NAV1: variants seen among roughly 807,000 people sequenced by gnomAD.
The protein encoded by NAV1 is neuron navigator 1.
In NAV1, 18 loss-of-function variants were observed where a neutral mutation model predicts 175.2. That is an observed-to-expected ratio of 0.10 (90% confidence interval 0.07 to 0.15). The LOEUF is 0.15. NAV1 is among the 10% of genes least tolerant of loss of function. The pLI is 1.00. For missense variants in NAV1, 1,731 were observed against 2,436.6 expected (o/e 0.71, Z 6.10); for synonymous variants, 897 against 978.7 (o/e 0.92, Z 1.56).
In NAV1 at chr1:201,718,432, A is replaced by C; in HGVS notation, c.903A>C (p.Pro301=). The change falls in exon 3 of 30, where the codon CCA becomes CCC. Residue 301 remains proline (P), a synonymous_variant. Transcript: ENST00000367296. This position sits in a 1 kb window ranked among gnomAD's most constrained non-coding sequence, Gnocchi z 4.8. Reference sequence around the variant, plus strand: ...GCTACGACAGCGATGATGCCAACCCACGCAGCGTGTCCAGCCTCTCCAACC... The same window carrying C: ...GCTACGACAGCGATGATGCCAACCCCCGCAGCGTGTCCAGCCTCTCCAACC... 1 of 1,554,840 alleles carries C rather than the reference A, an allele frequency of 6.4e-7. No homozygotes were observed. The highest frequency in any genetic ancestry group is 8.7e-7 in the Non-Finnish European group (1 of 1,144,584).
intron 1 of NAV1, among the ~76,000 whole-genome samples, chr1:201,697,366 G>A (rs537561738): frequency 1.1e-4 from 17 of 152,356 alleles, no homozygotes; most frequent in Non-Finnish European, 2.5e-4. Context: ...AGGAGCAGAT[G>A]CTGTGCAGGC....
intron 10 of NAV1, among the ~76,000 whole-genome samples, chr1:201,789,089 G>C (rs995560112): frequency 6.6e-6 from 1 of 152,180 alleles, no homozygotes; most frequent in African/African-American, 2.4e-5. Flanking sequence ...ATGAGCATCA[G>C]GGAGGGCCAT....
chr1:201,703,914 G>T (rs1378732422), intron 1 of NAV1, among the ~76,000 whole-genome samples: 2 of 152,226 alleles, frequency 1.3e-5, no homozygotes, highest in Non-Finnish European at 2.9e-5. Flanking sequence ...GAACACTGCG[G>T]AGGAGCAGAG....
At chr1:201,556,004 A>G (rs1437587549) in intron 1 of NAV1, among the ~76,000 whole-genome samples, 1 of 152,188 alleles carries the variant, frequency 6.6e-6, no homozygotes, top group Admixed American at 6.5e-5. Flanking sequence ...CAGGTCCGAA[A>G]GTGGGGATTG....
At chr1:201,649,922 A>C (rs955753953) in intron 1 of NAV1, among the ~76,000 whole-genome samples, 15 of 151,634 alleles carry the variant, frequency 9.9e-5, no homozygotes, top group African/African-American at 3.6e-4. Flanking sequence ...TCCTCTGTGG[A>C]TCCCGAGTGG....
intron 3 of NAV1, among the ~76,000 whole-genome samples, chr1:201,738,345 T>TC (rs1237766034): frequency 6.6e-6 from 1 of 152,012 alleles, no homozygotes; most frequent in Admixed American, 6.6e-5. Flanking sequence ...CAAAGACCCT[T>TC]CCTCCAACTT....
chr1:201,684,444 G>A (rs918407643), intron 1 of NAV1, among the ~76,000 whole-genome samples: 1 of 147,880 alleles, frequency 6.8e-6, no homozygotes, highest in Non-Finnish European at 1.5e-5. Flanking sequence ...ATAGCACGTG[G>A]TTCATTCTAA....
upstream of NAV1, among the ~76,000 whole-genome samples, chr1:201,619,487 G>C (rs72739963): frequency 6.6e-6 from 1 of 152,256 alleles, no homozygotes; most frequent in Admixed American, 6.5e-5. Flanking sequence ...GATGGTCTAG[G>C]GTGCATAATT....
At chr1:201,642,523 T>TTCTTTCTTTCTTTCTTTC (rs1235070900) in intron 2 of NAV1, among the ~76,000 whole-genome samples, 49 of 96,628 alleles carry the variant, frequency 5.1e-4, no homozygotes, top group Admixed American at 2.0e-3. Context: ...CTTTCTTTCT[T>TTCTTTCTTTCTTTCTTTC]TTTTTCTTTC....
intron 2 of NAV1, among the ~76,000 whole-genome samples, chr1:201,613,681 G>A (rs1667918007): frequency 6.6e-6 from 1 of 152,054 alleles, no homozygotes; most frequent in African/African-American, 2.4e-5. Context: ...TGGCCAACAT[G>A]GAGAAACCCC....
At chr1:201,596,334 A>G (rs764860657) in intron 2 of NAV1, among the ~76,000 whole-genome samples, 10 of 152,200 alleles carry the variant, frequency 6.6e-5, no homozygotes, top group Non-Finnish European at 1.2e-4. Flanking sequence ...CTTCCTGATG[A>G]CAGGGACTCT....
chr1:201,771,511 A>C (rs1171847062), intron 3 of NAV1, among the ~76,000 whole-genome samples: 3 of 151,846 alleles, frequency 2.0e-5, no homozygotes, highest in East Asian at 3.9e-4. Context: ...AAAAAAAAAA[A>C]AAAAAAAAAA....
intron 2 of NAV1, among the ~76,000 whole-genome samples, chr1:201,616,950 G>A (rs1156973971): frequency 2.6e-5 from 4 of 152,310 alleles, no homozygotes; most frequent in South Asian, 2.1e-4. Context: ...CAGCCAAGGT[G>A]TGTGGTTGTT....
intron 1 of NAV1, among the ~76,000 whole-genome samples, chr1:201,565,961 C>T (rs1223725366): frequency 3.9e-5 from 6 of 152,166 alleles, no homozygotes; most frequent in African/African-American, 4.8e-5. Context: ...CTTTAAAAGA[C>T]CAATTTGAAA....
chr1:201,607,048 C>A (rs1667702529), intron 2 of NAV1, among the ~76,000 whole-genome samples: 3 of 151,560 alleles, frequency 2.0e-5, no homozygotes, highest in Non-Finnish European at 2.9e-5. Flanking sequence ...CACTGTTATA[C>A]ATAATAGTGG....
At chr1:201,543,444 C>G (rs1431637137) in intron 1 of NAV1, among the ~76,000 whole-genome samples, 1 of 151,474 alleles carries the variant, frequency 6.6e-6, no homozygotes, top group African/African-American at 2.4e-5. Context: ...GTGCCTTACA[C>G]TGATTGTTTT....
chr1:201,654,692 G>A (rs1669333339), intron 1 of NAV1, among the ~76,000 whole-genome samples: 2 of 151,956 alleles, frequency 1.3e-5, no homozygotes, highest in South Asian at 2.1e-4. Context: ...TCTGCAGAGC[G>A]CTCCATCTCC....
intron 1 of NAV1, among the ~76,000 whole-genome samples, chr1:201,581,251 G>T (rs1460104110): frequency 6.6e-6 from 1 of 152,210 alleles, no homozygotes; most frequent in Non-Finnish European, 1.5e-5. Flanking sequence ...TGGTGGTGGA[G>T]ATGGGTTGCA....
At chr1:201,606,982 A>G (rs1486708617) in intron 2 of NAV1, among the ~76,000 whole-genome samples, 2 of 152,232 alleles carry the variant, frequency 1.3e-5, no homozygotes, top group African/African-American at 2.4e-5. Flanking sequence ...CCTTCAAAGA[A>G]TTTAGCCTGT....
Sources: gnomAD v4.1 joint callset for allele counts (sites outside exome capture counted in the v4.1 genomes callset) on GRCh38, gnomAD v4.1.1 for gene constraint, Gnocchi (gnomAD v3.1) non-coding constraint, MANE v1.5 for transcripts, NCBI Gene and HGNC (gene_info 2026-07-23, HGNC 2026-07-21) for gene names.